The following ZNF622 variants were observed in gnomAD, a reference collection of about 807,000 sequenced individuals.
ZNF622 encodes the protein zinc finger protein 622, also known as cytoplasmic 60S subunit biogenesis factor ZNF622.
A neutral mutation model predicts 49.7 loss-of-function variants in ZNF622; 34 were observed. The observed-to-expected ratio is 0.68, with a 90% CI of 0.52 to 0.91. The LOEUF is 0.91. ZNF622 is among the 40% of genes least tolerant of loss of function. The pLI, the probability that ZNF622 is intolerant of heterozygous loss-of-function variation, is 0.00. For synonymous variants in ZNF622, 209 were observed against 228.7 expected, an observed-to-expected ratio of 0.91 and a Z score of 0.78; for missense variants, 569 against 616.4, an observed-to-expected ratio of 0.92 and a Z score of 0.81.
chr5:16,459,506 A>C (rs182999033), intron 3 of ZNF622, among the ~76,000 whole-genome samples: 40 of 152,340 alleles, frequency 2.6e-4, no homozygotes, highest in Admixed American at 2.3e-3. Context: ...ATTTTCTAAA[A>C]TGGAACATAT....
At chr5:16,459,130 T>C (rs1199764657) in intron 3 of ZNF622, among the ~76,000 whole-genome samples, 1 of 152,210 alleles carries the variant, frequency 6.6e-6, no homozygotes, top group African/African-American at 2.4e-5. Flanking sequence ...TAAATAGCTA[T>C]ATGGGTATAC....
At chr5:16,453,714 G>A (rs1214921858) in intron 4 of ZNF622, among the ~76,000 whole-genome samples, 1 of 151,536 alleles carries the variant, frequency 6.6e-6, no homozygotes, top group Non-Finnish European at 1.5e-5. Flanking sequence ...CTATTGCAGT[G>A]ATTCTCCAAT....
intron 4 of ZNF622, among the ~76,000 whole-genome samples, chr5:16,455,889 A>T (rs1037931223): frequency 2.0e-5 from 3 of 152,306 alleles, no homozygotes; most frequent in African/African-American, 4.8e-5. Flanking sequence ...TGTGCCAATG[A>T]CAGTGACCAC....
Position 16,451,571 on chromosome 5 carries a change from G to T in ZNF622, c.*86C>A. The T allele has an allele frequency of 6.6e-7, 1 of 1,506,042 alleles. No homozygotes were observed. Among genetic ancestry groups the T allele is most frequent in the Non-Finnish European group, 8.9e-7 (1 of 1,123,260 alleles). 93.3% of individuals were successfully genotyped at this position (1,506,042 alleles called of 1,614,324 possible). A position where few individuals can be genotyped will look rare whatever the true frequency, so the allele number is the denominator to read the frequency against. ...AGAACGAATGAAGTAGCAGCAAAAGGGTCTCTCCTATGATCTGTCTTTCAC... is the reference window on the plus strand; with the variant it reads ...AGAACGAATGAAGTAGCAGCAAAAGTGTCTCTCCTATGATCTGTCTTTCAC... On this transcript the variant is annotated 3_prime_UTR_variant, in exon 6 of 6. Coordinates refer to ENST00000308683, the MANE Select transcript of ZNF622 (RefSeq NM_033414.3).
intron 5 of ZNF622, 148 bp from the exon 6 acceptor site, chr5:16,451,932 G>T: frequency 1.1e-6 from 1 of 920,398 alleles, no homozygotes; most frequent in Non-Finnish European, 1.6e-6. Context: ...GGGTCTCTAA[G>T]CCATGCGCCT....
In ZNF622 at chr5:16,465,286, G is replaced by A. The variant is rs1738197953; in HGVS notation, c.380C>T (p.Ala127Val). The change falls in exon 1 of 6, where the codon GCC (alanine) becomes GTC (valine). Residue 127 changes from alanine to valine, a missense_variant. Transcript: ENST00000308683. This position sits in a 1 kb window ranked among gnomAD's most constrained non-coding sequence, Gnocchi z 6.2. Reference protein sequence around the residue: ...GLGVDSVDKDAMNAAIQQAIK... With the variant: ...GLGVDSVDKDVMNAAIQQAIK... ...GGCCTGCTGGATGGCCGCGTTCATG[G>A]CATCCTTGTCCACACTGTCCACGCC... The A allele has an allele frequency of 6.2e-7, 1 of 1,614,250 alleles. No homozygotes were observed. The highest frequency in any genetic ancestry group is 8.5e-7 in the Non-Finnish European group (1 of 1,180,038).
At chr5:16,457,664 T>C (rs1046817167) in intron 4 of ZNF622, among the ~76,000 whole-genome samples, 14 of 152,306 alleles carry the variant, frequency 9.2e-5, no homozygotes, top group Non-Finnish European at 1.5e-4. Context: ...GGCTGCTTCA[T>C]TGCGGACCTC....
At chr5:16,454,140 C>T (rs1397692414) in intron 4 of ZNF622, among the ~76,000 whole-genome samples, 1 of 152,016 alleles carries the variant, frequency 6.6e-6, no homozygotes, top group Non-Finnish European at 1.5e-5. Context: ...GGCCCACTAA[C>T]TTGTAACAGA....
chr5:16,456,017 C>G (rs1673510217), intron 4 of ZNF622, among the ~76,000 whole-genome samples: 3 of 152,206 alleles, frequency 2.0e-5, no homozygotes. Flanking sequence ...TTGGTTATGT[C>G]TAAGTCATGG....
In ZNF622 at chr5:16,465,627, G is replaced by A; in HGVS notation, c.39C>T (p.Phe13=). Reference sequence around the variant, plus strand: ...GGGCCCGCTGCATGTCCGCGTCGCGGAACGCCACCCGGCAAGTTATGCAGG... The same window carrying A: ...GGGCCCGCTGCATGTCCGCGTCGCGAAACGCCACCCGGCAAGTTATGCAGG... ...TYTCITCRVA[F]RDADMQRAHY... is the part of the protein sequence containing the mutation. Residue 13 remains phenylalanine, a synonymous_variant, in exon 1 of 6, where the codon TTC becomes TTT. Transcript: ENST00000308683. This position sits in a 1 kb window ranked among gnomAD's most constrained non-coding sequence, Gnocchi z 6.2. 4 of 1,597,282 alleles carry A rather than the reference G, an allele frequency of 2.5e-6. No homozygotes were observed. Among genetic ancestry groups the A allele is most frequent in the East Asian group, 2.2e-5 (1 of 44,604 alleles).
At chr5:16,458,893 G>A (rs1015477715) in intron 3 of ZNF622, among the ~76,000 whole-genome samples, 62 of 152,298 alleles carry the variant, frequency 4.1e-4, no homozygotes, top group Non-Finnish European at 1.2e-4. Context: ...GAAGGAGAAT[G>A]TACAGCTGGA....
chr5:16,462,746 A>T (rs1410622578), intron 3 of ZNF622, among the ~76,000 whole-genome samples: 1 of 152,062 alleles, frequency 6.6e-6, no homozygotes, highest in Non-Finnish European at 1.5e-5. Flanking sequence ...AACTGTCTCA[A>T]CTCCTTCAGG....
chr5:16,454,805 A>G (rs1737998946), intron 4 of ZNF622, among the ~76,000 whole-genome samples: 1 of 152,180 alleles, frequency 6.6e-6, no homozygotes, highest in South Asian at 2.1e-4. Flanking sequence ...GCAGAGACAG[A>G]ATTGCACACA....
Position 16,463,562 on chromosome 5 carries a change from G to A in ZNF622, c.806C>T (p.Ala269Val). The A allele has an allele frequency of 6.2e-7, 1 of 1,614,190 alleles. No homozygotes were observed. The highest frequency in any genetic ancestry group is 8.5e-7 in the Non-Finnish European group (1 of 1,180,046). Residue 269 changes from alanine to valine, a missense_variant, in exon 2 of 6, where the codon GCT becomes GTT. Coordinates refer to ENST00000308683, the MANE Select transcript of ZNF622 (RefSeq NM_033414.3). This position sits in a 1 kb window ranked among gnomAD's most constrained non-coding sequence, Gnocchi z 4.2. ...GAAACTGTGGTCTTTGGTCATGTGAGCCACATTCTTCATCAGCGAGCTGGA... is the reference window on the plus strand; with the variant it reads ...GAAACTGTGGTCTTTGGTCATGTGAACCACATTCTTCATCAGCGAGCTGGA... ...HHSSSLMKNV[A>V]HMTKDHSFFI...
At chr5:16,458,422 T>A in intron 4 of ZNF622, 95 bp downstream of exon 4, 1 of 860,650 alleles carries the variant, frequency 1.2e-6, no homozygotes, top group Non-Finnish European at 1.9e-6. Context: ...AAGCTTATGG[T>A]CTATTTCCCT....
chr5:16,463,683 C>G lies in ZNF622; in HGVS notation c.685G>C (p.Asp229His). ...TCCTCTGCATCCTGCTCCACCACAT[C>G]GTCCATTGCTTCAGTATCCTCACAT... ...LECEDTEAMD[D>H]VVEQDAEEEE... is the part of the protein sequence containing the mutation. The change falls in exon 2 of 6, where the codon GAT becomes CAT. Residue 229 changes from aspartate (D) to histidine (H), a missense_variant. Asp to His is a moderately conservative substitution (Grantham distance 81). Transcript: ENST00000308683. This position sits in a 1 kb window ranked among gnomAD's most constrained non-coding sequence, Gnocchi z 4.2. The G allele has an allele frequency of 6.2e-7, 1 of 1,614,244 alleles. No homozygotes were observed. The highest frequency in any genetic ancestry group is 1.1e-5 in the South Asian group (1 of 91,086).
chr5:16,461,400 G>C (rs1738120033), intron 3 of ZNF622, among the ~76,000 whole-genome samples: 1 of 152,222 alleles, frequency 6.6e-6, no homozygotes, highest in African/African-American at 2.4e-5. Context: ...ACAGTTTTGA[G>C]AATAGAACAT....
intron 4 of ZNF622, among the ~76,000 whole-genome samples, chr5:16,453,563 A>ATATG (rs1249014257): frequency 2.7e-5 from 1 of 37,602 alleles, no homozygotes; most frequent in Non-Finnish European, 4.7e-5. Flanking sequence ...TAAAAATTAT[A>ATATG]TATATATATA....
intron 4 of ZNF622, among the ~76,000 whole-genome samples, chr5:16,456,147 G>A (rs1258789533): frequency 1.3e-5 from 2 of 152,012 alleles, no homozygotes; most frequent in Non-Finnish European, 2.9e-5. Flanking sequence ...ACCCAGGCTG[G>A]AGTGCAGTGG....
Sources: gnomAD v4.1 joint callset for allele counts (sites outside exome capture counted in the v4.1 genomes callset) on GRCh38, gnomAD v4.1.1 for gene constraint, Gnocchi (gnomAD v3.1) non-coding constraint, MANE v1.5 for transcripts, NCBI Gene and HGNC (gene_info 2026-07-23, HGNC 2026-07-21) for gene names.